Variants in BMERB1 observed in about 807,000 individuals in gnomAD.
The protein encoded by BMERB1 is bMERB domain-containing protein 1.
BMERB1 carries 12 observed loss-of-function variants against 23.6 expected under a neutral mutation model. The observed-to-expected ratio is 0.51, with a 90% confidence interval of 0.33 to 0.82. The LOEUF (loss-of-function observed/expected upper bound fraction) is 0.82. Among genes scored for constraint, BMERB1 ranks in the 40% least tolerant of loss-of-function variants. BMERB1 has a pLI of 0.03. For synonymous variants in BMERB1, 122 were observed against 96.6 expected, an observed-to-expected ratio of 1.26 and a Z score of -1.54; for missense variants, 247 against 255.4, an observed-to-expected ratio of 0.97 and a Z score of 0.22.
At chr16:15,559,337 C>G (rs769482081) in intron 2 of BMERB1, among the ~76,000 whole-genome samples, 6 of 152,188 alleles carry the variant, frequency 3.9e-5, no homozygotes, top group Non-Finnish European at 8.8e-5. Context: ...CAAATCAGAG[C>G]TCTGGGAGAA....
At chr16:15,544,593 C>T (rs1408433124) in intron 2 of BMERB1, among the ~76,000 whole-genome samples, 2 of 152,246 alleles carry the variant, frequency 1.3e-5, no homozygotes, top group Non-Finnish European at 2.9e-5. Context: ...TGGCTTGACA[C>T]TCACAGCTTG....
At chr16:15,507,739 G>A (rs1467222681) in intron 1 of BMERB1, among the ~76,000 whole-genome samples, 1 of 152,252 alleles carries the variant, frequency 6.6e-6, no homozygotes, top group African/African-American at 2.4e-5. Flanking sequence ...GTTCAGACTG[G>A]AAAGAAGCTG....
In BMERB1 at chr16:15,492,507, A is replaced by G. The variant is rs558572902; in HGVS notation, c.107-22798A>G. 5.9e-5 allele frequency among the ~76,000 whole-genome samples: 9 copies of G among 152,324 alleles called. No individual in the cohort carries two copies. The South Asian group carries it at 1.4e-3, about 25-fold the overall frequency. Reference sequence around the variant, plus strand: ...GTATAGTGACTTCCTTCCAAAGAGGAAGTGAAAGGAGAAACTTTACAATGG... The same window carrying G: ...GTATAGTGACTTCCTTCCAAAGAGGGAGTGAAAGGAGAAACTTTACAATGG... On this transcript the variant is annotated intron_variant, in intron 1 of 5. Transcript: ENST00000300006.
At chr16:15,506,389 A>G (rs1053853863) in intron 1 of BMERB1, among the ~76,000 whole-genome samples, 1 of 151,844 alleles carries the variant, frequency 6.6e-6, no homozygotes, top group Non-Finnish European at 1.5e-5. Context: ...GTTAGCCAAG[A>G]TGGTCTCTAT....
intron 2 of BMERB1, among the ~76,000 whole-genome samples, chr16:15,517,750 T>TTGTGTGGATG (rs140653374): frequency 6.6e-6 from 1 of 151,326 alleles, no homozygotes; most frequent in Non-Finnish European, 1.5e-5. Context: ...GTGTGGATAT[T>TTGTGTGGATG]TGTGTGGATG....
intron 1 of BMERB1, among the ~76,000 whole-genome samples, chr16:15,482,774 T>C (rs991942458): frequency 7.9e-5 from 12 of 152,318 alleles, no homozygotes; most frequent in Admixed American, 5.9e-4. Context: ...AGTTATAAAA[T>C]TAATACATGT....
intron 1 of BMERB1, among the ~76,000 whole-genome samples, chr16:15,437,439 TTC>T (rs1459978366): frequency 2.0e-5 from 3 of 152,208 alleles, no homozygotes; most frequent in African/African-American, 7.2e-5. Context: ...TTCACTTCCA[TTC>T]GGTTACTGCA....
chr16:15,474,391 G>T (rs2051258118), intron 1 of BMERB1, among the ~76,000 whole-genome samples: 1 of 152,002 alleles, frequency 6.6e-6, no homozygotes, highest in Non-Finnish European at 1.5e-5. Context: ...TTGAGACAGG[G>T]TCTCACTCTG....
intron 3 of BMERB1, among the ~76,000 whole-genome samples, chr16:15,573,073 C>T (rs557696863): frequency 5.3e-5 from 8 of 152,156 alleles, no homozygotes; most frequent in South Asian, 4.1e-4. Flanking sequence ...TTATCAGCAG[C>T]GTGAAAATGG....
At chr16:15,487,428 C>G (rs1463663262) in intron 1 of BMERB1, among the ~76,000 whole-genome samples, 1 of 152,072 alleles carries the variant, frequency 6.6e-6, no homozygotes, top group Non-Finnish European at 1.5e-5. Context: ...GTCTGTGAAC[C>G]TTTGCTTAAA....
intron 1 of BMERB1, among the ~76,000 whole-genome samples, chr16:15,474,436 C>T (rs1343614156): frequency 6.6e-6 from 1 of 152,118 alleles, no homozygotes; most frequent in Non-Finnish European, 1.5e-5. Flanking sequence ...ACAATCATAG[C>T]CCACTGCAGC....
At chr16:15,584,096 A>T (rs1436046431) in intron 5 of BMERB1, 9 of 701,096 alleles carry the variant, frequency 1.3e-5, no homozygotes, top group Non-Finnish European at 2.1e-5. Flanking sequence ...ATATGAAATA[A>T]GTTTGAGAAA....
At chr16:15,481,067 A>G (rs2051317095) in intron 1 of BMERB1, among the ~76,000 whole-genome samples, 1 of 152,210 alleles carries the variant, frequency 6.6e-6, no homozygotes, top group Non-Finnish European at 1.5e-5. Flanking sequence ...ACTATGGTAG[A>G]ACTTTAGAGC....
chr16:15,554,697 C>T (rs1462813915), intron 2 of BMERB1, among the ~76,000 whole-genome samples: 3 of 149,238 alleles, frequency 2.0e-5, no homozygotes, highest in Non-Finnish European at 3.0e-5. Context: ...GATGGTGTCT[C>T]GCTCTGTCGC....
intron 1 of BMERB1, among the ~76,000 whole-genome samples, chr16:15,504,469 A>G (rs975223271): frequency 1.3e-5 from 2 of 149,954 alleles, no homozygotes; most frequent in Non-Finnish European, 3.0e-5. Flanking sequence ...TTTATTAAAG[A>G]TAGTGTCTCA....
At chr16:15,440,633 A>C (rs1278026879) in intron 1 of BMERB1, among the ~76,000 whole-genome samples, 2 of 152,152 alleles carry the variant, frequency 1.3e-5, no homozygotes, top group African/African-American at 4.8e-5. Flanking sequence ...ATTTGAATTC[A>C]TCTGAAATAT....
At chr16:15,543,449 T>A (rs1329130647) in intron 2 of BMERB1, among the ~76,000 whole-genome samples, 1 of 152,118 alleles carries the variant, frequency 6.6e-6, no homozygotes, top group Non-Finnish European at 1.5e-5. Context: ...ACCCTGTCCT[T>A]CTGCCGCCTG....
intron 1 of BMERB1, among the ~76,000 whole-genome samples, chr16:15,505,748 TGTG>T (rs1481713189): frequency 6.6e-6 from 1 of 151,536 alleles, no homozygotes; most frequent in Non-Finnish European, 1.5e-5. Flanking sequence ...ATTAGGCTGG[TGTG>T]GTGGTGGGCG....
chr16:15,574,903 C>A (rs1211446586), intron 3 of BMERB1, among the ~76,000 whole-genome samples: 2 of 152,032 alleles, frequency 1.3e-5, no homozygotes, highest in African/African-American at 4.8e-5. Context: ...CATGGCGAGA[C>A]CCCCGTCTCT....
Sources: gnomAD v4.1 joint callset for allele counts (sites outside exome capture counted in the v4.1 genomes callset) on GRCh38, gnomAD v4.1.1 for gene constraint, MANE v1.5 for transcripts, NCBI Gene and HGNC (gene_info 2026-07-23, HGNC 2026-07-21) for gene names.